SEMA3C: variants seen among roughly 807,000 people sequenced by gnomAD.
The protein encoded by SEMA3C is semaphorin-3C.
In SEMA3C, 47 loss-of-function variants were observed where a neutral mutation model predicts 89.4. That is an observed-to-expected ratio of 0.53 (90% CI 0.42 to 0.67). The LOEUF (loss-of-function observed/expected upper bound fraction) is 0.67, where lower values mean the gene tolerates loss of function less well. SEMA3C is among the 30% of genes least tolerant of loss of function. The pLI, the probability that SEMA3C is intolerant of heterozygous loss-of-function variation, is 0.00. For missense variants in SEMA3C, 839 were observed against 929.1 expected (o/e 0.90, Z 1.26); for synonymous variants, 310 against 320.2 (o/e 0.97, Z 0.34).
rs897110718 is a variant in SEMA3C at position 80,743,582 on chromosome 7, G to T, written c.*1312C>A. The T allele has an allele frequency of 6.6e-6, 1 of 151,728 alleles. No homozygotes were observed. Among genetic ancestry groups the T allele is most frequent in the Admixed American group, 6.6e-5 (1 of 15,240 alleles). 9.4% of individuals were successfully genotyped at this position (151,728 alleles called of 1,614,324 possible). A position where few individuals can be genotyped will look rare whatever the true frequency, so the allele number is the denominator to read the frequency against. Reference sequence around the variant, plus strand: ...GTTTTTAAAATATATATGAGAGCATGAATAATTTTTTTCACATTTTTCCAT... The same window carrying T: ...GTTTTTAAAATATATATGAGAGCATTAATAATTTTTTTCACATTTTTCCAT... On this transcript the variant is annotated 3_prime_UTR_variant, in exon 18 of 18. Transcript: ENST00000265361.
intron 2 of SEMA3C, among the ~76,000 whole-genome samples, chr7:80,883,723 A>G (rs889703185): frequency 4.6e-5 from 7 of 152,250 alleles, no homozygotes; most frequent in African/African-American, 1.2e-4. Flanking sequence ...GCAGCTTTAC[A>G]GTGATTCACT....
chr7:80,795,502 G>A (rs1789041140), intron 11 of SEMA3C, among the ~76,000 whole-genome samples: 1 of 152,102 alleles, frequency 6.6e-6, no homozygotes, highest in African/African-American at 2.4e-5. Flanking sequence ...GATGTGTGTT[G>A]CTAACCCTGG....
At chr7:80,919,116 G>C, upstream of SEMA3C, 5 of 984,892 alleles carry the variant, frequency 5.1e-6, no homozygotes, top group Non-Finnish European at 6.0e-6. Context: ...GCCGCGGCGC[G>C]CGGCTCCGGC....
chr7:80,828,012 G>T (rs1165384893), intron 3 of SEMA3C, among the ~76,000 whole-genome samples: 2 of 152,048 alleles, frequency 1.3e-5, no homozygotes, highest in South Asian at 2.1e-4. Context: ...TTGCAGCCTT[G>T]GGTCCAGTTT....
At chr7:80,799,659 TG>T (rs1789150094) in intron 10 of SEMA3C, among the ~76,000 whole-genome samples, 1 of 149,696 alleles carries the variant, frequency 6.7e-6, no homozygotes, top group Admixed American at 6.7e-5. Context: ...CTGACCAACA[TG>T]GTGAAACCCT....
chr7:80,827,467 T>C lies in SEMA3C; in HGVS notation c.285A>G (p.Thr95=), dbSNP rs757106109. ...CCATTTTGCATTCTTCAACTTTGAT[T>C]GTAGATGCTGGCCAGAAAACCTGCT... The part of the protein sequence containing the change: ...EALSVFWPAS[T]IKVEECKMAG... Residue 95 remains threonine, a synonymous_variant, in exon 4 of 18, where the codon ACA becomes ACG. Transcript: ENST00000265361. 1.1e-5 allele frequency: 17 copies of C among 1,603,750 alleles called. No individual in the cohort carries two copies. The highest frequency in any genetic ancestry group is 1.4e-5 in the Non-Finnish European group (16 of 1,176,098).
chr7:80,854,887 G>T (rs1790601917), intron 2 of SEMA3C, among the ~76,000 whole-genome samples: 1 of 152,064 alleles, frequency 6.6e-6, no homozygotes, highest in African/African-American at 2.4e-5. Context: ...TCCACAAATG[G>T]AACAACATTG....
rs574962158 is a variant in SEMA3C, at chr7:80,858,885, A to G, written c.104-30140T>C. 1.3e-4 allele frequency among the ~76,000 whole-genome samples: 20 copies of G among 152,300 alleles called. No individual in the cohort carries two copies. In the South Asian group the frequency reaches 3.1e-3, roughly 24 times the overall value. ...CTCCATATGAATAACTGAACCCAAG[A>G]TGTGTAGAACAGAATGGTATCTTAA... On this transcript the variant is annotated intron_variant, in intron 2 of 17. Coordinates refer to ENST00000265361, the MANE Select transcript of SEMA3C (RefSeq NM_006379.5).
At chr7:80,808,927 A>T (rs1367652671) in intron 6 of SEMA3C, among the ~76,000 whole-genome samples, 2 of 152,058 alleles carry the variant, frequency 1.3e-5, no homozygotes, top group Non-Finnish European at 2.9e-5. Context: ...GGTGCACGCC[A>T]CCACGCCCGG....
intron 4 of SEMA3C, among the ~76,000 whole-genome samples, chr7:80,824,553 A>G (rs1789827733): frequency 6.6e-6 from 1 of 152,202 alleles, no homozygotes; most frequent in African/African-American, 2.4e-5. Flanking sequence ...ATTGAAATAA[A>G]AGGTTAACAG....
At chr7:80,881,863 C>CA (rs1340793031) in intron 2 of SEMA3C, among the ~76,000 whole-genome samples, 2 of 152,092 alleles carry the variant, frequency 1.3e-5, no homozygotes, top group African/African-American at 4.8e-5. Flanking sequence ...TGCTGAGTGT[C>CA]ATAAAAGGCT....
At chr7:80,804,311 A>C (rs1454072790) in intron 7 of SEMA3C, 63 bp from the exon 8 acceptor site, 3 of 1,205,878 alleles carry the variant, frequency 2.5e-6, no homozygotes, top group Non-Finnish European at 3.4e-6. Context: ...CTGTCATCCA[A>C]GTAGACCACA....
chr7:80,920,162 A>C (rs1219949727), upstream of SEMA3C, among the ~76,000 whole-genome samples: 2 of 152,192 alleles, frequency 1.3e-5, no homozygotes, highest in African/African-American at 2.4e-5. Flanking sequence ...CATTACTTTC[A>C]GGTACACTCG....
intron 5 of SEMA3C, among the ~76,000 whole-genome samples, chr7:80,812,531 A>AT (rs1281246308): frequency 6.6e-6 from 1 of 152,200 alleles, no homozygotes; most frequent in African/African-American, 2.4e-5. Context: ...ATTTGACCAA[A>AT]TAAGTGAGAG....
At chr7:80,773,305 A>G (rs1484490143) in intron 12 of SEMA3C, among the ~76,000 whole-genome samples, 5 of 152,170 alleles carry the variant, frequency 3.3e-5, no homozygotes, top group African/African-American at 9.6e-5. Flanking sequence ...TATACGATTT[A>G]TGAAATTGTA....
intron 2 of SEMA3C, 105 bp from the exon 3 acceptor site, chr7:80,828,850 A>G (rs1284245596): frequency 1.1e-6 from 1 of 870,500 alleles, no homozygotes; most frequent in South Asian, 2.3e-5. Flanking sequence ...GTCAAGGTAC[A>G]TTTTCTTCTA....
At chr7:80,756,672 G>T (rs1788073004) in intron 15 of SEMA3C, among the ~76,000 whole-genome samples, 1 of 152,078 alleles carries the variant, frequency 6.6e-6, no homozygotes, top group Non-Finnish European at 1.5e-5. Flanking sequence ...TAGCTTTAGG[G>T]CTGTTTCTTG....
At chr7:80,921,512 A>C (rs184521918), upstream of SEMA3C, among the ~76,000 whole-genome samples, 46 of 152,310 alleles carry the variant, frequency 3.0e-4, no homozygotes, top group African/African-American at 9.1e-4. Flanking sequence ...TTGCCTAAGA[A>C]ACATTTCTGG....
chr7:80,750,474 A>ATATATAT (rs1787907416), intron 16 of SEMA3C, among the ~76,000 whole-genome samples: 1 of 29,936 alleles, frequency 3.3e-5, no homozygotes, highest in African/African-American at 1.1e-4. Context: ...ATATATATAT[A>ATATATAT]CACACACACA....
Sources: gnomAD v4.1 joint callset for allele counts (sites outside exome capture counted in the v4.1 genomes callset) on GRCh38, gnomAD v4.1.1 for gene constraint, MANE v1.5 for transcripts, NCBI Gene and HGNC (gene_info 2026-07-23, HGNC 2026-07-21) for gene names.